Variants in KLF12 observed in about 807,000 individuals in gnomAD.
KLF12 encodes the protein Krueppel-like factor 12.
In KLF12, 9 loss-of-function variants were observed where a neutral mutation model predicts 37.8. That is an observed-to-expected ratio of 0.24 (90% confidence interval 0.14 to 0.42). The LOEUF is 0.42. Among genes scored for constraint, KLF12 ranks in the 10% least tolerant of loss-of-function variants. The pLI is 1.00. For synonymous variants in KLF12, 208 were observed against 202.1 expected, an observed-to-expected ratio of 1.03 and a Z score of -0.25; for missense variants, 411 against 516.0, an observed-to-expected ratio of 0.80 and a Z score of 1.97.
chr13:74,303,998 A>G, the KLF12 span, among the ~76,000 whole-genome samples: 1 of 152,090 alleles, frequency 6.6e-6, no homozygotes, highest in Admixed American at 6.6e-5. Flanking sequence ...TAGGTCAAGC[A>G]GAACCCCAAG....
chr13:73,716,966 T>C (rs1875862344), intron 6 of KLF12, among the ~76,000 whole-genome samples: 1 of 152,200 alleles, frequency 6.6e-6, no homozygotes, highest in Non-Finnish European at 1.5e-5. Flanking sequence ...AAAGTAACGG[T>C]GCATTTTACA....
intron 1 of KLF12, among the ~76,000 whole-genome samples, chr13:74,115,990 CT>C (rs1877280508): frequency 6.6e-6 from 1 of 152,166 alleles, no homozygotes; most frequent in South Asian, 2.1e-4. Flanking sequence ...GTGGGTATAT[CT>C]TACTGAGATT....
chr13:74,242,469 A>AC, the KLF12 span, among the ~76,000 whole-genome samples: 3 of 152,290 alleles, frequency 2.0e-5, no homozygotes, highest in Non-Finnish European at 2.9e-5. Context: ...ATTCACTACC[A>AC]CAAGAATAGT....
At position 73,869,680 on chromosome 13, in the gene KLF12, T is replaced by A. The variant is rs181202836; in HGVS notation, c.124-23307A>T. 5.3e-5 allele frequency among the ~76,000 whole-genome samples: 8 copies of A among 152,094 alleles called. No individual in the cohort carries two copies. The East Asian group carries it at 1.5e-3, about 29-fold the overall frequency. ...ATAATATACTCAGCATATAACATAG[T>A]TCCTGGTAACTTGTAATTACTCTTT... On this transcript the variant is annotated intron_variant, in intron 3 of 7. Coordinates refer to ENST00000377669, the MANE Select transcript of KLF12 (RefSeq NM_007249.5).
intron 6 of KLF12, among the ~76,000 whole-genome samples, chr13:73,743,872 A>G (rs985798878): frequency 6.6e-6 from 1 of 152,208 alleles, no homozygotes; most frequent in African/African-American, 2.4e-5. Context: ...AAAATGACTA[A>G]GAAGTACATG....
At chr13:73,706,115 G>GTACT (rs2137614878) in intron 7 of KLF12, among the ~76,000 whole-genome samples, 1 of 152,270 alleles carries the variant, frequency 6.6e-6, no homozygotes, top group African/African-American at 2.4e-5. Context: ...TCGTGCCACT[G>GTACT]TACTCCTCTA....
chr13:73,910,559 A>G (rs1359083881), intron 3 of KLF12, among the ~76,000 whole-genome samples: 3 of 152,208 alleles, frequency 2.0e-5, no homozygotes, highest in East Asian at 1.9e-4. Context: ...AAAACTTTAT[A>G]AGATAAATAG....
intron 7 of KLF12, among the ~76,000 whole-genome samples, chr13:73,711,756 G>T (rs1875414457): frequency 6.6e-6 from 1 of 152,168 alleles, no homozygotes; most frequent in Non-Finnish European, 1.5e-5. Flanking sequence ...GGATCAAGGA[G>T]TCATTTTGAC....
At chr13:74,163,093 T>A in the KLF12 span, among the ~76,000 whole-genome samples, 1 of 151,776 alleles carries the variant, frequency 6.6e-6, no homozygotes, top group African/African-American at 2.4e-5. Flanking sequence ...AGAAAACAAA[T>A]GAAATAGTGA....
rs111293598 is a variant in KLF12 at position 73,752,023 on chromosome 13, A to C, written c.869+12915T>G. On this transcript the variant is annotated intron_variant, in intron 6 of 7. Coordinates refer to ENST00000377669, the MANE Select transcript of KLF12 (RefSeq NM_007249.5). ...TTTTTTATTTTTTACTTTTTGAGAC[A>C]GAGTGTCACTCTGTTGCCCAGGCTG... 5.7e-3 allele frequency among the ~76,000 whole-genome samples: 864 copies of C among 152,232 alleles called. 6 individuals carry two copies. The highest frequency in any genetic ancestry group is 8.5e-3 in the Non-Finnish European group (578 of 68,004).
At chr13:73,835,695 T>TATATATACACACCCCCTGCCCGCATGACC (rs1884393602) in intron 4 of KLF12, among the ~76,000 whole-genome samples, 2 of 151,896 alleles carry the variant, frequency 1.3e-5, no homozygotes. Context: ...TCAGCATGAC[T>TATATATACACACCCCCTGCCCGCATGACC]AGTATATATA....
intron 3 of KLF12, among the ~76,000 whole-genome samples, chr13:73,919,461 T>A (rs879836206): frequency 2.0e-5 from 3 of 152,206 alleles, no homozygotes; most frequent in African/African-American, 7.2e-5. Context: ...GAAAGAACAC[T>A]GTCTTTCTCT....
intron 7 of KLF12, among the ~76,000 whole-genome samples, chr13:73,713,812 G>A (rs6650443): frequency 0.75 from 113,907 of 152,172 alleles, 42,764 homozygotes; most frequent in Middle Eastern, 0.89. Context: ...TAAGAGGAGT[G>A]GAGGTGTCTG....
At chr13:73,827,903 A>G (rs760295444) in intron 4 of KLF12, among the ~76,000 whole-genome samples, 1 of 152,176 alleles carries the variant, frequency 6.6e-6, no homozygotes, top group Non-Finnish European at 1.5e-5. Flanking sequence ...TCAAGAGTTA[A>G]TTAAAAGTTA....
chr13:73,999,507 G>A (rs1892213112), intron 1 of KLF12, among the ~76,000 whole-genome samples: 2 of 152,058 alleles, frequency 1.3e-5, no homozygotes, highest in Non-Finnish European at 2.9e-5. Context: ...ACCCAGGTGG[G>A]CAGATCACGA....
At chr13:73,874,417 A>G (rs1886609504) in intron 3 of KLF12, among the ~76,000 whole-genome samples, 1 of 152,210 alleles carries the variant, frequency 6.6e-6, no homozygotes, top group South Asian at 2.1e-4. Context: ...ATTATAAATC[A>G]ATTAGTGACT....
At chr13:73,738,108 T>TACACACACATATATGTATGTGTAC (rs1877625734) in intron 6 of KLF12, among the ~76,000 whole-genome samples, 41 of 58,672 alleles carry the variant, frequency 7.0e-4, no homozygotes, top group African/African-American at 4.4e-3. Flanking sequence ...TATATATATA[T>TACACACACATATATGTATGTGTAC]ATATATATAT....
At chr13:74,203,992 G>T in the KLF12 span, among the ~76,000 whole-genome samples, 25 of 152,146 alleles carry the variant, frequency 1.6e-4, no homozygotes, top group African/African-American at 5.1e-4. Flanking sequence ...TGTGTTTTTT[G>T]AAAACTTAAG....
chr13:73,853,379 T>C (rs1292374844), intron 3 of KLF12, among the ~76,000 whole-genome samples: 2 of 152,158 alleles, frequency 1.3e-5, no homozygotes, highest in Non-Finnish European at 2.9e-5. Context: ...GTTTGGCCCA[T>C]GTGTGTGATG....
Sources: allele counts gnomAD v4.1 joint callset (sites outside exome capture counted in the v4.1 genomes callset), GRCh38; gene constraint gnomAD v4.1.1; transcripts MANE v1.5; gene names NCBI Gene and HGNC (gene_info 2026-07-23, HGNC 2026-07-21).